Variants in PSENEN observed in about 807,000 individuals in gnomAD.
PSENEN encodes gamma-secretase subunit PEN-2.
A neutral mutation model predicts 15.4 loss-of-function variants in PSENEN; 4 were observed. That is an observed-to-expected ratio of 0.26 (90% CI 0.13 to 0.59). PSENEN has a LOEUF of 0.59. PSENEN is among the 20% of genes least tolerant of loss of function. The pLI is 0.89. For synonymous variants in PSENEN, 42 were observed against 46.5 expected, an observed-to-expected ratio of 0.90 and a Z score of 0.39; for missense variants, 112 against 120.3, an observed-to-expected ratio of 0.93 and a Z score of 0.32.
At chr19:35,745,782 G>T in intron 1 of PSENEN, 53 bp from the exon 2 acceptor site, 1 of 828,634 alleles carries the variant, frequency 1.2e-6, no homozygotes, top group Non-Finnish European at 2.1e-6. Flanking sequence ...GGGTGGGGAT[G>T]CCCTGCTTTC....
Position 35,746,717 on chromosome 19 carries a change from G to A in PSENEN, c.176G>A (p.Arg59His), listed in dbSNP as rs1279674310. 1 of 1,614,008 alleles carries A rather than the reference G, an allele frequency of 6.2e-7. No individual in the cohort carries two copies. The highest frequency in any genetic ancestry group is 8.5e-7 in the Non-Finnish European group (1 of 1,180,024). The change falls in exon 4 of 4, where the codon CGC becomes CAC. Residue 59 changes from arginine to histidine, a missense_variant. Coordinates refer to ENST00000587708, the MANE Select transcript of PSENEN (RefSeq NM_172341.4). ...CTGTTTCCCATGACAGATGTCTGGCGCTCAGCTGTGGGCTTCCTCTTCTGG... is the reference window on the plus strand; with the variant it reads ...CTGTTTCCCATGACAGATGTCTGGCACTCAGCTGTGGGCTTCCTCTTCTGG... ...EQSQIKGYVW[R>H]SAVGFLFWVI...
intron 2 of PSENEN, 142 bp from the exon 3 acceptor site, chr19:35,746,277 C>A: frequency 1.3e-6 from 1 of 789,648 alleles, no homozygotes; most frequent in Non-Finnish European, 2.1e-6. Context: ...AGCCAGATTC[C>A]TGAGTCCCTG....
Position 35,747,226 on chromosome 19 carries a change from CT to C in PSENEN, c.*397del, listed in dbSNP as rs36096387. On this transcript the variant is annotated 3_prime_UTR_variant, in exon 4 of 4. Transcript: ENST00000587708. ...GTGCTTCCATTTCTTTTTCTTTTTT[CT>C]TTTTTTTTTTTTTTTTTGAGACAGA... 31,383 of 128,134 alleles carry C rather than the reference CT, an allele frequency of 0.24. 2,562 individuals are homozygous for C. The highest frequency in any genetic ancestry group is 0.33 in the Middle Eastern group (77 of 234). 7.9% of individuals were successfully genotyped at this position (128,134 alleles called of 1,614,324 possible).
Position 35,745,694 on chromosome 19 carries a change from T to C in PSENEN, c.-103T>C. On this transcript the variant is annotated 5_prime_UTR_variant, in exon 1 of 4. Coordinates refer to ENST00000587708, the MANE Select transcript of PSENEN (RefSeq NM_172341.4). ...GGCACCCCAGCCGGAGGAAGTGAGC[T>C]CTCCTGGTGAGTTGGGGGTCGTTTC... 1.6e-6 allele frequency: 1 copy of C among 619,118 alleles called. No individual in the cohort carries two copies. Among genetic ancestry groups the C allele is most frequent in the Non-Finnish European group, 2.9e-6 (1 of 350,460 alleles). The allele number at this position is 619,118 out of a possible 1,614,324, so 38.4% of individuals were successfully genotyped here. A position where few individuals can be genotyped will look rare whatever the true frequency, so the allele number is the denominator to read the frequency against.
At position 35,747,080 on chromosome 19, in the gene PSENEN, TG is replaced by T; in HGVS notation, c.*234del. ...ATTTAAAAACATCTGTTGAGAGCTT[TG>T]TACGAGGCTTAGTATTTAGACATGA... On this transcript the variant is annotated 3_prime_UTR_variant, in exon 4 of 4. Transcript: ENST00000587708. 2.1e-6 allele frequency: 1 copy of T among 486,586 alleles called. No individual in the cohort carries two copies. The allele number at this position is 486,586 out of a possible 1,614,324, so 30.1% of individuals were successfully genotyped here. A position where few individuals can be genotyped will look rare whatever the true frequency, so the allele number is the denominator to read the frequency against.
Position 35,745,835 on chromosome 19 carries a change from G to T in PSENEN, c.-96G>T. On this transcript the variant is annotated splice_region_variant and 5_prime_UTR_variant, in exon 2 of 4. Coordinates refer to ENST00000587708, the MANE Select transcript of PSENEN (RefSeq NM_172341.4). Reference sequence around the variant, plus strand: ...ATTTATCTCTGATTTGTTCTAATAGGGGCGTGGTTGTTCGTGATCCTTGCA... The same window carrying T: ...ATTTATCTCTGATTTGTTCTAATAGTGGCGTGGTTGTTCGTGATCCTTGCA... 1.7e-6 allele frequency: 2 copies of T among 1,199,108 alleles called. No homozygotes were observed. The highest frequency in any genetic ancestry group is 2.4e-5 in the South Asian group (2 of 82,748). The allele number at this position is 1,199,108 out of a possible 1,614,324, so 74.3% of individuals were successfully genotyped here.
chr19:35,747,469 A>G lies in PSENEN; in HGVS notation c.*622A>G, dbSNP rs1018350085. On this transcript the variant is annotated 3_prime_UTR_variant, in exon 4 of 4. Transcript: ENST00000587708. ...ACAAATGGAAGTTTCCCGTTTTCTG[A>G]AGGAAGTGTTGTCTGCAAAAATAAA... 5.9e-5 allele frequency: 9 copies of G among 152,068 alleles called. No individual in the cohort carries two copies. Among genetic ancestry groups the G allele is most frequent in the African/African-American group, 2.2e-4 (9 of 41,416 alleles). The allele number at this position is 152,068 out of a possible 1,614,324, so 9.4% of individuals were successfully genotyped here.
intron 2 of PSENEN, 100 bp from the exon 3 acceptor site, chr19:35,746,319 G>C (rs541859782): frequency 9.7e-7 from 1 of 1,034,976 alleles, no homozygotes; most frequent in Middle Eastern, 2.0e-4. Context: ...ACTTGGGTGT[G>C]GGAGAGTTTC....
chr19:35,746,578 G>A (rs1412135891), intron 3 of PSENEN, 55 bp downstream of exon 3: 9 of 1,601,838 alleles, frequency 5.6e-6, no homozygotes, highest in Non-Finnish European at 7.7e-6. Context: ...GGGGAAGCGG[G>A]GAATCTTGGT....
At chr19:35,746,134 C>T in intron 2 of PSENEN, 143 bp downstream of exon 2, 2 of 883,642 alleles carry the variant, frequency 2.3e-6, no homozygotes, top group African/African-American at 1.7e-5. Flanking sequence ...GTGGGGAGGG[C>T]CTGGGTCCTG....
Position 35,745,958 on chromosome 19 carries a change from G to A in PSENEN, c.28G>A (p.Glu10Lys). Reference sequence around the variant, plus strand: ...GAACCTGGAGCGAGTGTCCAATGAGGAGAAATTGAACCTGTGCCGGAAGTA... The same window carrying A: ...GAACCTGGAGCGAGTGTCCAATGAGAAGAAATTGAACCTGTGCCGGAAGTA... Reference protein sequence around the residue: MNLERVSNEEKLNLCRKYYL... With the variant: MNLERVSNEKKLNLCRKYYL... The change falls in exon 2 of 4, where the codon GAG becomes AAG. Residue 10 changes from glutamate to lysine, a missense_variant. Physicochemically the swap from Glu to Lys is moderately conservative, Grantham distance 56. Transcript: ENST00000587708. 1 of 1,614,164 alleles carries A rather than the reference G, an allele frequency of 6.2e-7. No individual in the cohort carries two copies. Among genetic ancestry groups the A allele is most frequent in the Non-Finnish European group, 8.5e-7 (1 of 1,180,036 alleles).
rs973188003 is a variant in PSENEN at position 35,747,517 on chromosome 19, G to T, written c.*670G>T. ...AAAAATAGTCAAGAGCTTTCTCAGA[G>T]AATCCTTCCTTGACCATCCATCTTA... On this transcript the variant is annotated 3_prime_UTR_variant, in exon 4 of 4. Coordinates refer to ENST00000587708, the MANE Select transcript of PSENEN (RefSeq NM_172341.4). 1 of 151,884 alleles carries T rather than the reference G, an allele frequency of 6.6e-6. No homozygotes were observed. Among genetic ancestry groups the T allele is most frequent in the Non-Finnish European group, 1.5e-5 (1 of 67,998 alleles). The allele number at this position is 151,884 out of a possible 1,614,324, so 9.4% of individuals were successfully genotyped here.
At position 35,745,873 on chromosome 19, in the gene PSENEN, G is replaced by A; in HGVS notation, c.-58G>A. On this transcript the variant is annotated 5_prime_UTR_variant, in exon 2 of 4. Transcript: ENST00000587708. ...CGTGATCCTTGCATCTGTTACTTAG[G>A]GTCAAGGCTTGGGTCTTGCCCCGCA... The A allele has an allele frequency of 6.5e-7, 1 of 1,527,994 alleles. No individual in the cohort carries two copies. The highest frequency in any genetic ancestry group is 9.1e-7 in the Non-Finnish European group (1 of 1,102,116). The allele number at this position is 1,527,994 out of a possible 1,614,324, so 94.7% of individuals were successfully genotyped here.
chr19:35,746,759 C>T lies in PSENEN; in HGVS notation c.218C>T (p.Ser73Phe), dbSNP rs755187533. ...GFLFWVIVLT[S>F]WITIFQIYRP... ...CTCTTCTGGGTGATAGTGCTCACCT[C>T]CTGGATCACCATCTTCCAGATCTAC... The change falls in exon 4 of 4, where the codon TCC becomes TTC. Residue 73 changes from serine to phenylalanine, a missense_variant. Ser to Phe is a radical substitution (Grantham distance 155). Coordinates refer to ENST00000587708, the MANE Select transcript of PSENEN (RefSeq NM_172341.4). The T allele has an allele frequency of 3.7e-6, 6 of 1,614,002 alleles. No homozygotes were observed. Among genetic ancestry groups the T allele is most frequent in the African/African-American group, 1.3e-5 (1 of 74,902 alleles).
intron 1 of PSENEN, 32 bp from the exon 2 acceptor site, chr19:35,745,803 C>T: frequency 1.0e-6 from 1 of 983,012 alleles, no homozygotes; most frequent in Non-Finnish European, 1.6e-6. Context: ...AGCAAACCGA[C>T]CTTTACATTT....
chr19:35,746,651 G>C (rs538405495), intron 3 of PSENEN, 57 bp from the exon 4 acceptor site: 3 of 1,613,752 alleles, frequency 1.9e-6, no homozygotes, highest in Non-Finnish European at 2.5e-6. Context: ...GGCTGGTCTA[G>C]GGAAGTCTGG....
chr19:35,746,301 C>T, intron 2 of PSENEN, 118 bp from the exon 3 acceptor site: 1 of 899,730 alleles, frequency 1.1e-6, no homozygotes, highest in Non-Finnish European at 1.8e-6. Context: ...ACAGAAATCT[C>T]CATTTGAACT....
chr19:35,746,037 T>G, intron 2 of PSENEN, 46 bp downstream of exon 2: 1 of 1,594,244 alleles, frequency 6.3e-7, no homozygotes, highest in Non-Finnish European at 8.6e-7. Flanking sequence ...GGGACTGGAC[T>G]AGAGCACCCG....
intron 2 of PSENEN, 134 bp downstream of exon 2, chr19:35,746,125 T>A: frequency 1.1e-6 from 1 of 935,334 alleles, no homozygotes; most frequent in Non-Finnish European, 1.7e-6. Context: ...TGGATTTGAG[T>A]GGGGAGGGCC....
Sources: gnomAD v4.1 joint callset for allele counts on GRCh38, gnomAD v4.1.1 for gene constraint, MANE v1.5 for transcripts, NCBI Gene and HGNC (gene_info 2026-07-23, HGNC 2026-07-21) for gene names.